The following UBE2QL1 variants were observed in gnomAD, a reference collection of about 807,000 sequenced individuals.
UBE2QL1 encodes the protein ubiquitin-conjugating enzyme E2Q-like protein 1.
In UBE2QL1, 5 loss-of-function variants were observed where a neutral mutation model predicts 12.6. The observed-to-expected ratio is 0.40, with a 90% CI of 0.21 to 0.83. The LOEUF (loss-of-function observed/expected upper bound fraction) is 0.83, where lower values mean the gene tolerates loss of function less well. Among genes scored for constraint, UBE2QL1 ranks in the 40% least tolerant of loss-of-function variants. The probability of loss-of-function intolerance (pLI) is 0.37; values close to 1 mark genes in which losing one functional copy is unlikely to be tolerated. For synonymous variants in UBE2QL1, 96 were observed against 94.5 expected, an observed-to-expected ratio of 1.02 and a Z score of -0.10; for missense variants, 99 against 222.6, an observed-to-expected ratio of 0.44 and a Z score of 3.53.
chr5:6,467,163 C>T (rs997972903), intron 1 of UBE2QL1, among the ~76,000 whole-genome samples: 1 of 152,144 alleles, frequency 6.6e-6, no homozygotes, highest in Admixed American at 6.5e-5. Context: ...CTGTCTCTCT[C>T]TGCCTCCCTC....
rs1266934035 is a variant in UBE2QL1, at chr5:6,448,992, G to C, written c.99G>C (p.Gln33His). ...TCGACTGGAACGTGAAGCTGCACCA[G>C]GTGGACAAGGACTCGGTGCTGTGGC... ...SLFDWNVKLH[Q>H]VDKDSVLWQD... The change falls in exon 1 of 2, where the codon CAG becomes CAC. Residue 33 changes from glutamine to histidine, a missense_variant. Transcript: ENST00000399816. 1 of 1,550,166 alleles carries C rather than the reference G, an allele frequency of 6.5e-7. No homozygotes were observed. The highest frequency in any genetic ancestry group is 2.0e-5 in the Admixed American group (1 of 50,722).
chr5:6,477,728 T>C (rs2126360324), intron 1 of UBE2QL1, among the ~76,000 whole-genome samples: 1 of 152,272 alleles, frequency 6.6e-6, no homozygotes, highest in East Asian at 1.9e-4. Context: ...GGCGGGAATT[T>C]CAAGAGTTCC....
In UBE2QL1 at chr5:6,492,445, T is replaced by G. The variant is rs1166402126; in HGVS notation, c.*1096T>G. The G allele has an allele frequency of 2.0e-5, 3 of 152,352 alleles. No individual in the cohort carries two copies. The highest frequency in any genetic ancestry group is 3.4e-3 in the Middle Eastern group (1 of 294). The allele number at this position is 152,352 out of a possible 1,614,324, so 9.4% of individuals were successfully genotyped here. ...ATTTAATCTCCCCCACGGTTTCATT[T>G]TTCTCTTCTGTTAATACTTAGAACT... On this transcript the variant is annotated 3_prime_UTR_variant, in exon 2 of 2. Coordinates refer to ENST00000399816, the MANE Select transcript of UBE2QL1 (RefSeq NM_001145161.3).
chr5:6,469,499 A>T (rs192286465), intron 1 of UBE2QL1, among the ~76,000 whole-genome samples: 186 of 147,670 alleles, frequency 1.3e-3, no homozygotes, highest in African/African-American at 4.1e-3. Flanking sequence ...TTATATATAT[A>T]TTTTTTATAT....
chr5:6,483,375 G>A (rs1734401950), intron 1 of UBE2QL1, among the ~76,000 whole-genome samples: 1 of 152,092 alleles, frequency 6.6e-6, no homozygotes, highest in Non-Finnish European at 1.5e-5. Context: ...GGAGGCGGAG[G>A]TTGCAGTGAG....
At chr5:6,457,615 G>T (rs1739556092) in intron 1 of UBE2QL1, among the ~76,000 whole-genome samples, 1 of 152,174 alleles carries the variant, frequency 6.6e-6, no homozygotes, top group Non-Finnish European at 1.5e-5. Context: ...TAATGTGAAT[G>T]ATTTGATTAA....
At position 6,493,569 on chromosome 5, in the gene UBE2QL1, C is replaced by T. The variant is rs1734618032; in HGVS notation, c.*2220C>T. On this transcript the variant is annotated 3_prime_UTR_variant, in exon 2 of 2. Transcript: ENST00000399816. Reference sequence around the variant, plus strand: ...CAGAGAGACACTCAGCTCAGTGTCGCTCCTTCCATACACTCAGAGTTTGAT... The same window carrying T: ...CAGAGAGACACTCAGCTCAGTGTCGTTCCTTCCATACACTCAGAGTTTGAT... 6.6e-6 allele frequency: 1 copy of T among 152,178 alleles called. No individual in the cohort carries two copies. Among genetic ancestry groups the T allele is most frequent in the Non-Finnish European group, 1.5e-5 (1 of 68,032 alleles). The allele number at this position is 152,178 out of a possible 1,614,324, so 9.4% of individuals were successfully genotyped here.
At chr5:6,462,634 G>A (rs113562105) in intron 1 of UBE2QL1, among the ~76,000 whole-genome samples, 4 of 152,264 alleles carry the variant, frequency 2.6e-5, no homozygotes, top group Admixed American at 1.3e-4. Flanking sequence ...ACTAACTGCC[G>A]GGCTTGACAG....
intron 1 of UBE2QL1, among the ~76,000 whole-genome samples, chr5:6,484,027 A>G (rs576950610): frequency 1.3e-5 from 2 of 152,328 alleles, no homozygotes; most frequent in East Asian, 3.9e-4. Context: ...TGAGGTGACT[A>G]TTTTGAGTTG....
rs1013938603 is a variant in UBE2QL1 at position 6,492,138 on chromosome 5, T to A, written c.*789T>A. 2 of 152,270 alleles carry A rather than the reference T, an allele frequency of 1.3e-5. No individual in the cohort carries two copies. Among genetic ancestry groups the A allele is most frequent in the Non-Finnish European group, 2.9e-5 (2 of 68,056 alleles). 9.4% of individuals were successfully genotyped at this position (152,270 alleles called of 1,614,324 possible). Reference sequence around the variant, plus strand: ...GGGCTCAGAGCAACGGATGGTCAGCTGCGAACAGTCTCGTCCGATGTTAGG... The same window carrying A: ...GGGCTCAGAGCAACGGATGGTCAGCAGCGAACAGTCTCGTCCGATGTTAGG... On this transcript the variant is annotated 3_prime_UTR_variant, in exon 2 of 2. Transcript: ENST00000399816.
At chr5:6,450,254 T>C (rs948054002) in intron 1 of UBE2QL1, among the ~76,000 whole-genome samples, 2 of 152,088 alleles carry the variant, frequency 1.3e-5, no homozygotes, top group Admixed American at 1.3e-4. Context: ...GTTAAATCCT[T>C]TATCAGGGCT....
intron 1 of UBE2QL1, among the ~76,000 whole-genome samples, chr5:6,458,876 T>G (rs1165647369): frequency 2.0e-5 from 3 of 152,220 alleles, no homozygotes; most frequent in Non-Finnish European, 2.9e-5. Context: ...TCATAATGTA[T>G]TTAACCTGGC....
Position 6,478,279 on chromosome 5 carries a change from A to G in UBE2QL1, c.355-12939A>G, listed in dbSNP as rs1394351970. Among the ~76,000 whole-genome samples the G allele has an allele frequency of 2.0e-5, 3 of 152,136 alleles. No individual in the cohort carries two copies. The highest frequency in any genetic ancestry group is 4.4e-5 in the Non-Finnish European group (3 of 68,028). On this transcript the variant is annotated intron_variant, in intron 1 of 1. Coordinates refer to ENST00000399816, the MANE Select transcript of UBE2QL1 (RefSeq NM_001145161.3). This position sits in a 1 kb window ranked among gnomAD's most constrained non-coding sequence, Gnocchi z 4.5. ...ATTTCCTTCTGCATTGTGAAACTCT[A>G]GTGCTGAGCATGCTGTATGACATGA... is the stretch of plus-strand genomic sequence containing the variant.
At chr5:6,461,620 A>AACTGAT (rs1739668004) in intron 1 of UBE2QL1, among the ~76,000 whole-genome samples, 4 of 146,054 alleles carry the variant, frequency 2.7e-5, no homozygotes, top group African/African-American at 7.6e-5. Context: ...TGATATCTAA[A>AACTGAT]TCAGTTCCTG....
Position 6,496,659 on chromosome 5 carries a change from G to A in UBE2QL1, c.*5310G>A, listed in dbSNP as rs1392036380. On this transcript the variant is annotated 3_prime_UTR_variant, in exon 2 of 2. Transcript: ENST00000399816. The stretch of plus-strand genomic sequence containing the variant: ...AATAATCTAGAGGCACTGCCCTAAT[G>A]AGAAAAAAAAAACAATGATTCTAGA... Among the ~76,000 whole-genome samples, 1 of 148,902 alleles carries A rather than the reference G, an allele frequency of 6.7e-6. No individual in the cohort carries two copies. The highest frequency in any genetic ancestry group is 6.6e-5 in the Admixed American group (1 of 15,158).
intron 1 of UBE2QL1, among the ~76,000 whole-genome samples, chr5:6,450,677 C>G (rs531294302): frequency 6.6e-6 from 1 of 152,268 alleles, no homozygotes; most frequent in African/African-American, 2.4e-5. Context: ...AAAGCTGGAA[C>G]CCCTGGGATT....
intron 1 of UBE2QL1, among the ~76,000 whole-genome samples, chr5:6,468,023 G>C (rs994702797): frequency 6.6e-6 from 1 of 152,124 alleles, no homozygotes; most frequent in African/African-American, 2.4e-5. Flanking sequence ...CAATGAACAG[G>C]GACTCGATCC....
intron 1 of UBE2QL1, among the ~76,000 whole-genome samples, chr5:6,463,565 T>C (rs1240043758): frequency 6.6e-6 from 1 of 151,440 alleles, no homozygotes; most frequent in Non-Finnish European, 1.5e-5. Context: ...TCCGAAGTTC[T>C]CCCGAAACCC....
chr5:6,452,734 G>A (rs1185017294), intron 1 of UBE2QL1, among the ~76,000 whole-genome samples: 2 of 152,220 alleles, frequency 1.3e-5, no homozygotes, highest in East Asian at 3.8e-4. Flanking sequence ...CCTAGACAAA[G>A]TAGCATCAGC....
Sources: gnomAD v4.1 joint callset for allele counts (sites outside exome capture counted in the v4.1 genomes callset) on GRCh38, gnomAD v4.1.1 for gene constraint, Gnocchi (gnomAD v3.1) non-coding constraint, MANE v1.5 for transcripts, NCBI Gene and HGNC (gene_info 2026-07-23, HGNC 2026-07-21) for gene names.